Variants in SPAG9 observed in about 807,000 individuals in gnomAD.
SPAG9 encodes C-Jun-amino-terminal kinase-interacting protein 4.
A neutral mutation model predicts 166.5 loss-of-function variants in SPAG9; 35 were observed. The ratio of observed to expected loss-of-function variants is 0.21; its 90% confidence interval spans 0.16 to 0.28. SPAG9 has a LOEUF of 0.28. Among genes scored for constraint, SPAG9 ranks in the 10% least tolerant of loss-of-function variants. SPAG9 has a pLI of 1.00. For missense variants in SPAG9, 1,235 were observed against 1,603.3 expected (o/e 0.77, Z 3.92); for synonymous variants, 534 against 565.5 (o/e 0.94, Z 0.79).
chr17:51,092,212 A>T (rs1033051244), intron 1 of SPAG9, among the ~76,000 whole-genome samples: 3 of 152,122 alleles, frequency 2.0e-5, no homozygotes, highest in African/African-American at 7.2e-5. Flanking sequence ...AAGAAATAAG[A>T]CAGGATTGAA....
At chr17:51,062,011 CTA>C (rs2047532346) in intron 2 of SPAG9, among the ~76,000 whole-genome samples, 1 of 152,054 alleles carries the variant, frequency 6.6e-6, no homozygotes, top group Non-Finnish European at 1.5e-5. Context: ...ACATACATAT[CTA>C]TATTTTTTTA....
chr17:51,080,053 T>C (rs775084313), intron 1 of SPAG9, among the ~76,000 whole-genome samples: 11 of 152,176 alleles, frequency 7.2e-5, no homozygotes, highest in Non-Finnish European at 1.2e-4. Flanking sequence ...AAAAGAATGA[T>C]GGAATAATCA....
intron 1 of SPAG9, among the ~76,000 whole-genome samples, chr17:51,097,938 T>G (rs1375036608): frequency 6.6e-6 from 1 of 152,146 alleles, no homozygotes; most frequent in African/African-American, 2.4e-5. Context: ...TCCTCCTGCC[T>G]CAGCCTTCCA....
intron 21 of SPAG9, among the ~76,000 whole-genome samples, chr17:50,989,258 T>C (rs1040993715): frequency 6.6e-6 from 1 of 152,206 alleles, no homozygotes; most frequent in Non-Finnish European, 1.5e-5. Context: ...CAGTATTCAG[T>C]ACAGTAACAT....
rs2047043873 is a variant in SPAG9 at position 51,046,978 on chromosome 17, A to G, written c.590+397T>C. On this transcript the variant is annotated intron_variant, in intron 4 of 29. Coordinates refer to ENST00000262013, the MANE Select transcript of SPAG9 (RefSeq NM_001130528.3). ...CAATGCCTGAAGATCTACATAATTT[A>G]TTCACACTCCTACACCAAACAGATG... 26 of 1,369,264 alleles carry G rather than the reference A, an allele frequency of 1.9e-5. No individual in the cohort carries two copies. In the South Asian group the frequency reaches 3.5e-4, roughly 18 times the overall value. 84.8% of individuals were successfully genotyped at this position (1,369,264 alleles called of 1,614,324 possible). A position where few individuals can be genotyped will look rare whatever the true frequency, so the allele number is the denominator to read the frequency against.
chr17:51,083,535 C>G (rs1056097440), intron 1 of SPAG9, among the ~76,000 whole-genome samples: 3 of 130,680 alleles, frequency 2.3e-5, no homozygotes, highest in African/African-American at 8.5e-5. Flanking sequence ...CCACACACAG[C>G]CTCTTTATTT....
At chr17:51,049,007 A>G (rs552500756) in intron 3 of SPAG9, among the ~76,000 whole-genome samples, 406 of 152,350 alleles carry the variant, frequency 2.7e-3, no homozygotes, top group Non-Finnish European at 4.0e-3. Flanking sequence ...TTCAGGAACA[A>G]AAATCAAACT....
intron 9 of SPAG9, among the ~76,000 whole-genome samples, chr17:51,007,661 T>G (rs2045283135): frequency 6.6e-6 from 1 of 152,184 alleles, no homozygotes; most frequent in South Asian, 2.1e-4. Flanking sequence ...CTGCCAAATA[T>G]TCTAATATTC....
intron 26 of SPAG9, 91 bp from the exon 27 acceptor site, chr17:50,977,312 C>CAA (rs375094795): frequency 1.4e-5 from 9 of 646,744 alleles, no homozygotes; most frequent in East Asian, 3.1e-5. Flanking sequence ...GATTACAAAA[C>CAA]AAAAAAAAAA....
At chr17:51,104,932 C>CAAAAAAAAAAAA (rs397856546) in intron 1 of SPAG9, among the ~76,000 whole-genome samples, 1 of 57,452 alleles carries the variant, frequency 1.7e-5, no homozygotes, top group African/African-American at 6.7e-5. Flanking sequence ...GACTCCGTCT[C>CAAAAAAAAAAAA]AAAAAAAAAA....
chr17:51,000,636 G>A (rs1165882613), intron 13 of SPAG9, among the ~76,000 whole-genome samples: 3 of 152,208 alleles, frequency 2.0e-5, no homozygotes, highest in South Asian at 2.1e-4. Flanking sequence ...CAGGGAGGAT[G>A]AGGCAGAACT....
Position 51,041,614 on chromosome 17 carries a change from G to A in SPAG9, c.628C>T (p.Pro210Ser). The A allele has an allele frequency of 6.2e-7, 1 of 1,613,832 alleles. No homozygotes were observed. The highest frequency in any genetic ancestry group is 8.5e-7 in the Non-Finnish European group (1 of 1,179,816). ...RPISLGIFPL[P>S]AGDGLLTPDA... ...GGTGTAAGCAATCCATCTCCAGCAGGTAATGGGAAAATTCCTAATGATATA... is the reference window on the plus strand; with the variant it reads ...GGTGTAAGCAATCCATCTCCAGCAGATAATGGGAAAATTCCTAATGATATA... The change falls in exon 5 of 30, where the codon CCT (proline) becomes TCT (serine). Residue 210 changes from proline to serine, a missense_variant. Around this residue, in one of 6 missense-constraint regions of SPAG9, gnomAD observed 288 missense variants for 323.7 expected, o/e 0.89. Coordinates refer to ENST00000262013, the MANE Select transcript of SPAG9 (RefSeq NM_001130528.3).
chr17:51,006,336 A>G, intron 10 of SPAG9, 99 bp from the exon 11 acceptor site: 1 of 1,130,542 alleles, frequency 8.8e-7, no homozygotes, highest in Non-Finnish European at 1.3e-6. Flanking sequence ...ATAGACAATA[A>G]TAATTTAATA....
intron 8 of SPAG9, 150 bp from the exon 9 acceptor site, chr17:51,014,503 G>C (rs558149097): frequency 1.5e-4 from 88 of 597,030 alleles, no homozygotes; most frequent in Non-Finnish European, 2.1e-4. Context: ...TTTCTCAAAG[G>C]CTTCCTAAGA....
intron 25 of SPAG9, 127 bp from the exon 26 acceptor site, chr17:50,980,044 T>C: frequency 1.3e-6 from 1 of 784,104 alleles, no homozygotes; most frequent in Non-Finnish European, 2.0e-6. Context: ...TTAAACATGA[T>C]TACTCTTATA....
chr17:51,016,029 A>T (rs2045683573), intron 8 of SPAG9, among the ~76,000 whole-genome samples: 1 of 152,172 alleles, frequency 6.6e-6, no homozygotes, highest in South Asian at 2.1e-4. Flanking sequence ...AAGATTTCAG[A>T]AAGTATATAA....
chr17:51,105,759 A>C (rs939222778), intron 1 of SPAG9, among the ~76,000 whole-genome samples: 2 of 151,930 alleles, frequency 1.3e-5, no homozygotes, highest in African/African-American at 4.8e-5. Flanking sequence ...AGTCCCAGCT[A>C]CTCAGGAGGC....
intron 1 of SPAG9, among the ~76,000 whole-genome samples, chr17:51,119,926 A>C (rs1196092732): frequency 6.6e-6 from 1 of 152,234 alleles, no homozygotes; most frequent in Non-Finnish European, 1.5e-5. Context: ...CTGGAAAGGT[A>C]CTGGAACTAG....
intron 9 of SPAG9, among the ~76,000 whole-genome samples, chr17:51,011,902 T>C (rs924849933): frequency 4.6e-5 from 7 of 152,192 alleles, no homozygotes; most frequent in African/African-American, 1.7e-4. Context: ...ACAACAGATA[T>C]TTCTAAGTAC....
Sources: allele counts gnomAD v4.1 joint callset (sites outside exome capture counted in the v4.1 genomes callset), GRCh38; gene constraint gnomAD v4.1.1; regional missense constraint gnomAD v4.1.1; transcripts MANE v1.5; gene names NCBI Gene and HGNC (gene_info 2026-07-23, HGNC 2026-07-21).